TRIB1: variants seen among roughly 807,000 people sequenced by gnomAD.
TRIB1 encodes tribbles homolog 1.
Under a neutral mutation model 27.8 loss-of-function variants are expected in TRIB1, and 12 were observed. That is an observed-to-expected ratio of 0.43 (90% CI 0.28 to 0.70). The LOEUF is 0.70. Ranked by LOEUF, TRIB1 falls within the 30% of genes least tolerant of loss-of-function variation. The pLI, the probability that TRIB1 is intolerant of heterozygous loss-of-function variation, is 0.18. For synonymous variants in TRIB1, 230 were observed against 224.9 expected, an observed-to-expected ratio of 1.02 and a Z score of -0.20; for missense variants, 475 against 515.8, an observed-to-expected ratio of 0.92 and a Z score of 0.77.
intron 1 of TRIB1, among the ~76,000 whole-genome samples, chr8:125,431,732 G>A (rs1394325288): frequency 6.6e-6 from 1 of 152,154 alleles, no homozygotes. Context: ...GGTGGTAAGG[G>A]GGCTGGAAGA....
At chr8:125,432,518 T>C (rs550793664) in intron 1 of TRIB1, among the ~76,000 whole-genome samples, 10 of 152,226 alleles carry the variant, frequency 6.6e-5, no homozygotes, top group East Asian at 1.9e-4. Flanking sequence ...CCGTTTCCAG[T>C]TGAGTCTAGG....
rs56395423 is a variant in TRIB1 at position 125,436,477 on chromosome 8, A to G, written c.*6A>G. The G allele has an allele frequency of 3.6e-3, 5,767 of 1,611,268 alleles. 188 individuals carry two copies. The African/African-American group carries it at 0.066, about 19-fold the overall frequency. On this transcript the variant is annotated 3_prime_UTR_variant, in exon 3 of 3. Coordinates refer to ENST00000311922, the MANE Select transcript of TRIB1 (RefSeq NM_025195.4). The stretch of plus-strand genomic sequence containing the variant: ...TTAGTTCCTTCTTCTGCTAATCCCC[A>G]AAACCTCAGAAACCTCATAATTCTT...
At chr8:125,431,352 G>T in intron 1 of TRIB1, 90 bp downstream of exon 1, 5 of 1,219,558 alleles carry the variant, frequency 4.1e-6, no homozygotes, top group Non-Finnish European at 5.1e-6. Flanking sequence ...CAACGCTTGG[G>T]CTGGGCACAG....
chr8:125,432,649 A>G (rs1178020899), intron 1 of TRIB1, among the ~76,000 whole-genome samples: 2 of 151,992 alleles, frequency 1.3e-5, no homozygotes, highest in Non-Finnish European at 2.9e-5. Context: ...AAACAAGTGG[A>G]AAACCCATTC....
chr8:125,433,000 T>G (rs1586847946), intron 1 of TRIB1: 1 of 278,870 alleles, frequency 3.6e-6, no homozygotes, highest in Non-Finnish European at 6.9e-6. Flanking sequence ...CCACAGAGGG[T>G]GGGGGGTTTG....
Position 125,433,085 on chromosome 8 carries a change from G to A in TRIB1, c.361-232G>A, listed in dbSNP as rs902233053. 1 of 535,654 alleles carries A rather than the reference G, an allele frequency of 1.9e-6. No individual in the cohort carries two copies. The highest frequency in any genetic ancestry group is 1.9e-5 in the African/African-American group (1 of 53,094). The allele number at this position is 535,654 out of a possible 1,614,324, so 33.2% of individuals were successfully genotyped here. The stretch of plus-strand genomic sequence containing the variant: ...TCTTTCAAATCATCTGTGTGAAAGC[G>A]GGTAACCCTTTGGGTATTTGCAAGT... On this transcript the variant is annotated intron_variant, in intron 1 of 2. Transcript: ENST00000311922. The surrounding 1 kb of genome is among the most constrained non-coding windows in gnomAD (Gnocchi z 4.4).
rs1365012096 is a variant in TRIB1, at chr8:125,438,089, T to C, written c.*1618T>C. On this transcript the variant is annotated 3_prime_UTR_variant, in exon 3 of 3. Transcript: ENST00000311922. ...GTTCTGGCTTTGAGGCTTGTTTTGT[T>C]GTCTGTGTCTGTCTGAATAACCTGC... 2 of 152,776 alleles carry C rather than the reference T, an allele frequency of 1.3e-5. No homozygotes were observed. The highest frequency in any genetic ancestry group is 2.9e-5 in the Non-Finnish European group (2 of 68,038). The allele number at this position is 152,776 out of a possible 1,614,324, so 9.5% of individuals were successfully genotyped here. A position where few individuals can be genotyped will look rare whatever the true frequency, so the allele number is the denominator to read the frequency against.
At position 125,436,732 on chromosome 8, in the gene TRIB1, G is replaced by A. The variant is rs1035241958; in HGVS notation, c.*261G>A. On this transcript the variant is annotated 3_prime_UTR_variant, in exon 3 of 3. Transcript: ENST00000311922. ...TATCTCTGCTGGATTTGGGAGTTCC[G>A]CATCTTTTGTGGAGGGCAGAGTATG... is the stretch of plus-strand genomic sequence containing the variant. 3.0e-5 allele frequency: 16 copies of A among 540,426 alleles called. No homozygotes were observed. The highest frequency in any genetic ancestry group is 4.6e-5 in the Non-Finnish European group (14 of 302,666). The allele number at this position is 540,426 out of a possible 1,614,324, so 33.5% of individuals were successfully genotyped here.
In TRIB1 at chr8:125,437,758, A is replaced by G. The variant is rs1001459755; in HGVS notation, c.*1287A>G. On this transcript the variant is annotated 3_prime_UTR_variant, in exon 3 of 3. Transcript: ENST00000311922. ...CAGCCTCTGTTAGATATGTCCAGAG[A>G]TGGAAACTCACTCCCCTACAAAAGA... The G allele has an allele frequency of 1.3e-5, 2 of 152,508 alleles. No individual in the cohort carries two copies. Among genetic ancestry groups the G allele is most frequent in the Admixed American group, 1.3e-4 (2 of 15,294 alleles). The allele number at this position is 152,508 out of a possible 1,614,324, so 9.4% of individuals were successfully genotyped here.
rs545223423 is a variant in TRIB1 at position 125,433,084 on chromosome 8, C to T, written c.361-233C>T. On this transcript the variant is annotated intron_variant, in intron 1 of 2. Coordinates refer to ENST00000311922, the MANE Select transcript of TRIB1 (RefSeq NM_025195.4). This position sits in a 1 kb window ranked among gnomAD's most constrained non-coding sequence, Gnocchi z 4.4. ...TTCTTTCAAATCATCTGTGTGAAAG[C>T]GGGTAACCCTTTGGGTATTTGCAAG... The T allele has an allele frequency of 5.7e-6, 3 of 526,606 alleles. No homozygotes were observed. Among genetic ancestry groups the T allele is most frequent in the East Asian group, 3.0e-5 (1 of 33,292 alleles). 32.6% of individuals were successfully genotyped at this position (526,606 alleles called of 1,614,324 possible).
chr8:125,435,856 G>A (rs1246439968), intron 2 of TRIB1, 150 bp from the exon 3 acceptor site: 5 of 653,164 alleles, frequency 7.7e-6, no homozygotes, highest in Middle Eastern at 4.2e-4. Context: ...AGGAGCCCTC[G>A]GTAGTTGCAG....
Position 125,433,384 on chromosome 8 carries a change from T to A in TRIB1, c.428T>A (p.Ile143Asn), listed in dbSNP as rs1440108532. 6.2e-7 allele frequency: 1 copy of A among 1,614,208 alleles called. No homozygotes were observed. Among genetic ancestry groups the A allele is most frequent in the East Asian group, 2.2e-5 (1 of 44,884 alleles). ...PYIQLPSHSN[I>N]TGIVEVILGE... ...ATCCAGCTGCCATCGCACAGCAACA[T>A]TACTGGCATTGTGGAAGTGATCCTT... Residue 143 changes from isoleucine to asparagine, a missense_variant, in exon 2 of 3, where the codon ATT (isoleucine) becomes AAT (asparagine). Ile to Asn is a moderately radical substitution (Grantham distance 149, BLOSUM62 -3). Transcript: ENST00000311922. The surrounding 1 kb of genome is among the most constrained non-coding windows in gnomAD (Gnocchi z 4.4).
At position 125,431,223 on chromosome 8, in the gene TRIB1, G is replaced by T. The variant is rs1352189539; in HGVS notation, c.321G>T (p.Arg107=). Residue 107 remains arginine, a synonymous_variant, in exon 1 of 3, where the codon CGG becomes CGT. Transcript: ENST00000311922. ...TAGCCGAGCGCGAGCATGTGTCCCG[G>T]GCGCTGTGCATCCACACTGGACGCG... is the stretch of plus-strand genomic sequence containing the variant. ...LPLAEREHVS[R]ALCIHTGREL... is the part of the protein sequence containing the mutation. 1 of 1,276,850 alleles carries T rather than the reference G, an allele frequency of 7.8e-7. No homozygotes were observed. The highest frequency in any genetic ancestry group is 3.1e-5 in the East Asian group (1 of 32,214). 79.1% of individuals were successfully genotyped at this position (1,276,850 alleles called of 1,614,324 possible).
In TRIB1 at chr8:125,431,236, C is replaced by T. The variant is rs200584467; in HGVS notation, c.334C>T (p.His112Tyr). 551 of 1,269,368 alleles carry T rather than the reference C, an allele frequency of 4.3e-4. 1 individual carries two copies. The Admixed American group carries it at 5.5e-3, about 13-fold the overall frequency. 78.6% of individuals were successfully genotyped at this position (1,269,368 alleles called of 1,614,324 possible). Residue 112 changes from histidine (H) to tyrosine (Y), a missense_variant, in exon 1 of 3, where the codon CAC becomes TAC. Transcript: ENST00000311922. ...REHVSRALCI[H>Y]TGRELRCKVF... is the part of the protein sequence containing the mutation. ...GCATGTGTCCCGGGCGCTGTGCATCCACACTGGACGCGAGCTGCGCTGCAA... is the reference window on the plus strand; with the variant it reads ...GCATGTGTCCCGGGCGCTGTGCATCTACACTGGACGCGAGCTGCGCTGCAA...
In TRIB1 at chr8:125,436,558, C is replaced by G. The variant is rs775715767; in HGVS notation, c.*87C>G. ...ACAGGCCCTTTGGCGTGGTACCAAC[C>G]AGATAATGACTGCATCAGGATGAAA... On this transcript the variant is annotated 3_prime_UTR_variant, in exon 3 of 3. Coordinates refer to ENST00000311922, the MANE Select transcript of TRIB1 (RefSeq NM_025195.4). 4.3e-5 allele frequency: 54 copies of G among 1,262,702 alleles called. No individual in the cohort carries two copies. Among genetic ancestry groups the G allele is most frequent in the Non-Finnish European group, 5.4e-5 (49 of 900,460 alleles). The allele number at this position is 1,262,702 out of a possible 1,614,324, so 78.2% of individuals were successfully genotyped here.
intron 2 of TRIB1, among the ~76,000 whole-genome samples, chr8:125,435,757 A>G (rs191155552): frequency 8.5e-5 from 13 of 152,296 alleles, no homozygotes; most frequent in African/African-American, 2.9e-4. Flanking sequence ...TATGAATACT[A>G]TTTGGGGCTT....
rs900660707 is a variant in TRIB1, at chr8:125,437,803, T to C, written c.*1332T>C. 3.3e-5 allele frequency: 5 copies of C among 152,662 alleles called. No homozygotes were observed. Among genetic ancestry groups the C allele is most frequent in the African/African-American group, 1.2e-4 (5 of 41,426 alleles). 9.5% of individuals were successfully genotyped at this position (152,662 alleles called of 1,614,324 possible). A position where few individuals can be genotyped will look rare whatever the true frequency, so the allele number is the denominator to read the frequency against. On this transcript the variant is annotated 3_prime_UTR_variant, in exon 3 of 3. Coordinates refer to ENST00000311922, the MANE Select transcript of TRIB1 (RefSeq NM_025195.4). ...AAAAGATGGAGCTTAATGGAGAAAT[T>C]GCAACTTTCATTAAAAAACAAATTC...
Position 125,433,018 on chromosome 8 carries a change from C to T in TRIB1, c.361-299C>T, listed in dbSNP as rs907948457. 1.8e-5 allele frequency: 6 copies of T among 334,642 alleles called. No individual in the cohort carries two copies. The highest frequency in any genetic ancestry group is 3.3e-5 in the Non-Finnish European group (6 of 179,602). The allele number at this position is 334,642 out of a possible 1,614,324, so 20.7% of individuals were successfully genotyped here. ...CAGAGGGTGGGGGGTTTGCTTAGCT[C>T]TCAGGAGCTGACAGAAGATGGGAAC... On this transcript the variant is annotated intron_variant, in intron 1 of 2. Transcript: ENST00000311922. The surrounding 1 kb of genome is among the most constrained non-coding windows in gnomAD (Gnocchi z 4.4).
At chr8:125,435,847 G>C (rs2980877) in intron 2 of TRIB1, among the ~76,000 whole-genome samples, 159 bp from the exon 3 acceptor site, 145,583 of 152,350 alleles carry the variant, frequency 0.96, 69,612 homozygotes, top group East Asian at 1. Context: ...TGTGAAATCA[G>C]GAGCCCTCGG....
Sources: gnomAD v4.1 joint callset for allele counts (sites outside exome capture counted in the v4.1 genomes callset) on GRCh38, gnomAD v4.1.1 for gene constraint, Gnocchi (gnomAD v3.1) non-coding constraint, MANE v1.5 for transcripts, NCBI Gene and HGNC (gene_info 2026-07-23, HGNC 2026-07-21) for gene names.